The following PDE6C variants were observed in gnomAD, a reference collection of about 807,000 sequenced individuals.
PDE6C encodes the protein phosphodiesterase 6C.
Under a neutral mutation model 113.1 loss-of-function variants are expected in PDE6C, and 75 were observed. That is an observed-to-expected ratio of 0.66 (90% CI 0.55 to 0.80). The LOEUF (loss-of-function observed/expected upper bound fraction) is 0.80, where lower values mean the gene tolerates loss of function less well. Ranked by LOEUF, PDE6C falls within the 30% of genes least tolerant of loss-of-function variation. The pLI is 0.00. For missense variants in PDE6C, 912 were observed against 1,038.6 expected, an observed-to-expected ratio of 0.88 and a Z score of 1.67; for synonymous variants, 375 against 363.7, an observed-to-expected ratio of 1.03 and a Z score of -0.35.
At chr10:93,638,573 A>G (rs17109081) in intron 11 of PDE6C, among the ~76,000 whole-genome samples, 3,752 of 152,326 alleles carry the variant, frequency 0.025, 101 homozygotes, top group African/African-American at 0.069. Context: ...TAGAAGCAAT[A>G]AAGTGGACAA....
chr10:93,634,810 C>T lies in PDE6C; in HGVS notation c.1172C>T (p.Pro391Leu). 1 of 1,614,076 alleles carries T rather than the reference C, an allele frequency of 6.2e-7. No individual in the cohort carries two copies. Among genetic ancestry groups the T allele is most frequent in the Non-Finnish European group, 8.5e-7 (1 of 1,179,980 alleles). The change falls in exon 9 of 22, where the codon CCT becomes CTT. Residue 391 changes from proline to leucine, a missense_variant. Coordinates refer to ENST00000371447, the MANE Select transcript of PDE6C (RefSeq NM_006204.4). ...GTCATTAAGAATGTTTTGTCCCTGCCTATTGTCAACAAGAAAGAAGATATT... is the reference window on the plus strand; with the variant it reads ...GTCATTAAGAATGTTTTGTCCCTGCTTATTGTCAACAAGAAAGAAGATATT... ...GWVIKNVLSL[P>L]IVNKKEDIVG...
At chr10:93,658,635 T>C (rs1414649869) in intron 16 of PDE6C, among the ~76,000 whole-genome samples, 2 of 151,704 alleles carry the variant, frequency 1.3e-5, no homozygotes, top group Non-Finnish European at 2.9e-5. Context: ...TTCGTTGTAA[T>C]GTATTCCAAG....
chr10:93,613,308 AC>A (rs2058401917), intron 1 of PDE6C, 103 bp downstream of exon 1: 1 of 1,501,436 alleles, frequency 6.7e-7, no homozygotes, highest in Non-Finnish European at 9.1e-7. Context: ...TTTGGCAATA[AC>A]CGGGGGAATG....
intron 1 of PDE6C, among the ~76,000 whole-genome samples, chr10:93,615,138 A>T (rs886914704): frequency 3.9e-5 from 6 of 152,110 alleles, no homozygotes; most frequent in African/African-American, 1.4e-4. Context: ...CCAAAAATAC[A>T]AAAATAAGCC....
In PDE6C at chr10:93,658,299, G is replaced by A. The variant is rs1250615052; in HGVS notation, c.2037-602G>A. ...AAATTTTATTTTGCTAATATAATGA[G>A]TGTGAGATAATATCTTATTGTTCAA... is the stretch of plus-strand genomic sequence containing the variant. On this transcript the variant is annotated intron_variant, in intron 16 of 21. Transcript: ENST00000371447. Among the ~76,000 whole-genome samples, 9 of 151,984 alleles carry A rather than the reference G, an allele frequency of 5.9e-5. No homozygotes were observed. The South Asian group carries it at 1.5e-3, about 25-fold the overall frequency.
rs188642799 is a variant in PDE6C at position 93,660,986 on chromosome 10, C to T, written c.2209-1073C>T. The stretch of plus-strand genomic sequence containing the variant: ...CCCCATTGCCAGAGGTTTCCAACTT[C>T]TTTCCCAAAGAAGTAAAGTCTATTT... On this transcript the variant is annotated intron_variant, in intron 18 of 21. Coordinates refer to ENST00000371447, the MANE Select transcript of PDE6C (RefSeq NM_006204.4). 1.1e-3 allele frequency among the ~76,000 whole-genome samples: 164 copies of T among 152,244 alleles called. 2 individuals carry two copies. Among genetic ancestry groups the T allele is most frequent in the Non-Finnish European group, 2.1e-3 (142 of 68,016 alleles).
chr10:93,645,678 T>TC (rs1460531014), intron 14 of PDE6C, among the ~76,000 whole-genome samples: 3 of 152,148 alleles, frequency 2.0e-5, no homozygotes, highest in African/African-American at 7.2e-5. Context: ...TCCACCGCCA[T>TC]AAGCCCCAGG....
intron 5 of PDE6C, 140 bp from the exon 6 acceptor site, chr10:93,626,500 G>C (rs1195164876): frequency 1.9e-5 from 12 of 637,236 alleles, no homozygotes; most frequent in Non-Finnish European, 2.8e-6. Context: ...GATATAAGTA[G>C]TTTGATAATT....
In PDE6C at chr10:93,662,965, T is replaced by C. The variant is rs542453641; in HGVS notation, c.2368-63T>C. 8.8e-5 allele frequency: 123 copies of C among 1,402,726 alleles called. No homozygotes were observed. In the African/African-American group the frequency reaches 1.6e-3, roughly 18 times the overall value. 86.9% of individuals were successfully genotyped at this position (1,402,726 alleles called of 1,614,324 possible). On this transcript the variant is annotated intron_variant, in intron 20 of 21. Transcript: ENST00000371447. ...AATTCCTTACAGCTCACTCTCTGCA[T>C]ATGAAAGATCCTGAAAATTAACTGT...
intron 11 of PDE6C, among the ~76,000 whole-genome samples, chr10:93,638,346 C>G (rs1364160867): frequency 6.6e-6 from 1 of 152,040 alleles, no homozygotes; most frequent in South Asian, 2.1e-4. Flanking sequence ...TTACTTCCCA[C>G]CCCCGTGTTT....
At chr10:93,648,870 T>C (rs777200406) in intron 15 of PDE6C, among the ~76,000 whole-genome samples, 30 of 152,252 alleles carry the variant, frequency 2.0e-4, no homozygotes, top group Non-Finnish European at 3.7e-4. Context: ...ATTTTATTTA[T>C]GCTTTTTCAT....
At chr10:93,646,218 A>T (rs1338041386) in intron 15 of PDE6C, among the ~76,000 whole-genome samples, 171 bp downstream of exon 15, 1 of 152,174 alleles carries the variant, frequency 6.6e-6, no homozygotes, top group Non-Finnish European at 1.5e-5. Context: ...TGAACAGCCA[A>T]GTTGGAAGTA....
chr10:93,656,051 C>A (rs187140056), intron 16 of PDE6C, among the ~76,000 whole-genome samples, 191 bp downstream of exon 16: 14 of 152,234 alleles, frequency 9.2e-5, no homozygotes, highest in Admixed American at 7.9e-4. Flanking sequence ...AAGACAGATG[C>A]CTGCCAGTAA....
chr10:93,650,857 T>A (rs938353725), intron 15 of PDE6C, among the ~76,000 whole-genome samples: 1 of 150,982 alleles, frequency 6.6e-6, no homozygotes, highest in African/African-American at 2.4e-5. Flanking sequence ...ATTGGTATAC[T>A]TTTTCCCACA....
In PDE6C at chr10:93,653,647, AAAAAAC is replaced by A. The variant is rs548310248; in HGVS notation, c.1936-2083_1936-2078del. Among the ~76,000 whole-genome samples, 718 of 150,238 alleles carry A rather than the reference AAAAAAC, an allele frequency of 4.8e-3. 4 individuals carry two copies. The highest frequency in any genetic ancestry group is 0.015 in the African/African-American group (577 of 39,708). ...CAACAGAGTGAGACTCCATCTCAAA[AAAAAAC>A]AAAAACAAAAACAAAAACAAAAACA... On this transcript the variant is annotated intron_variant, in intron 15 of 21. Coordinates refer to ENST00000371447, the MANE Select transcript of PDE6C (RefSeq NM_006204.4).
intron 21 of PDE6C, 21 bp downstream of exon 21, chr10:93,663,199 G>C: frequency 6.2e-7 from 1 of 1,610,614 alleles, no homozygotes; most frequent in Non-Finnish European, 8.5e-7. Flanking sequence ...CTCTGTTTTT[G>C]CTCCCTGTAA....
chr10:93,619,718 G>C (rs1046620800), intron 1 of PDE6C, among the ~76,000 whole-genome samples: 1 of 152,088 alleles, frequency 6.6e-6, no homozygotes, highest in East Asian at 1.9e-4. Context: ...GAACCACCCC[G>C]CCCAGCCTCA....
intron 16 of PDE6C, among the ~76,000 whole-genome samples, chr10:93,656,099 A>G (rs1794560020): frequency 6.6e-6 from 1 of 152,198 alleles, no homozygotes; most frequent in African/African-American, 2.4e-5. Flanking sequence ...TAAAAACATA[A>G]GCTCCTAATA....
chr10:93,649,073 G>A (rs1406952424), intron 15 of PDE6C, among the ~76,000 whole-genome samples: 3 of 152,154 alleles, frequency 2.0e-5, no homozygotes, highest in Non-Finnish European at 2.9e-5. Flanking sequence ...CGATCTGAAT[G>A]AATTAAAGCC....
Sources: gnomAD v4.1 joint callset for allele counts (sites outside exome capture counted in the v4.1 genomes callset) on GRCh38, gnomAD v4.1.1 for gene constraint, MANE v1.5 for transcripts, NCBI Gene and HGNC (gene_info 2026-07-23, HGNC 2026-07-21) for gene names.